PSKH2: variants seen among roughly 807,000 people sequenced by gnomAD.
PSKH2 encodes the protein protein serine kinase H2.
Under a neutral mutation model 22.5 loss-of-function variants are expected in PSKH2, and 16 were observed. The observed-to-expected ratio is 0.71, with a 90% confidence interval of 0.48 to 1.08. The LOEUF (loss-of-function observed/expected upper bound fraction) is 1.08, where lower values mean the gene tolerates loss of function less well. PSKH2 is among the 50% of genes least tolerant of loss of function. The pLI, the probability that PSKH2 is intolerant of heterozygous loss-of-function variation, is 0.00. For missense variants in PSKH2, 516 were observed against 492.8 expected, an observed-to-expected ratio of 1.05 and a Z score of -0.44; for synonymous variants, 188 against 184.8, an observed-to-expected ratio of 1.02 and a Z score of -0.14.
Position 86,069,407 on chromosome 8 carries a change from T to A in PSKH2, c.185+31A>T, listed in dbSNP as rs756626363. The A allele has an allele frequency of 3.2e-6, 5 of 1,538,768 alleles. No homozygotes were observed. In the African/African-American group the frequency reaches 5.6e-5, roughly 17 times the overall value. ...CAGGGGTTTTTCTTTGTCAGCCCAG[T>A]CCCAGGCCAGTTCCTCACGTGGCGC... On this transcript the variant is annotated intron_variant, in intron 1 of 2. Transcript: ENST00000276616.
Position 86,048,698 on chromosome 8 carries a change from G to C in PSKH2, c.922C>G (p.Arg308Gly). The C allele has an allele frequency of 1.2e-6, 2 of 1,614,098 alleles. No homozygotes were observed. Among genetic ancestry groups the C allele is most frequent in the Non-Finnish European group, 1.7e-6 (2 of 1,180,006 alleles). Residue 308 changes from arginine (R) to glycine (G), a missense_variant, in exon 3 of 3, where the codon CGC (arginine) becomes GGC (glycine). Transcript: ENST00000276616. ...DKLLILEAGH[R>G]MSAGQALDHP... ...TCCAGGGCCTGGCCAGCTGACATGCGATGACCAGCCTCCAAAATCAGTAGT... is the reference window on the plus strand; with the variant it reads ...TCCAGGGCCTGGCCAGCTGACATGCCATGACCAGCCTCCAAAATCAGTAGT...
At chr8:86,049,540 C>G (rs897869614) in intron 2 of PSKH2, among the ~76,000 whole-genome samples, 13 of 141,956 alleles carry the variant, frequency 9.2e-5, no homozygotes, top group Non-Finnish European at 2.0e-4. Context: ...GCCTGGGTGA[C>G]AGAGTGAGAC....
chr8:86,057,303 CACAT>C (rs1010944862), intron 2 of PSKH2, among the ~76,000 whole-genome samples: 13 of 139,968 alleles, frequency 9.3e-5, no homozygotes, highest in African/African-American at 2.7e-4. Flanking sequence ...CACACACACA[CACAT>C]ACACACAAAT....
intron 2 of PSKH2, among the ~76,000 whole-genome samples, chr8:86,062,969 C>T (rs922489391): frequency 6.6e-6 from 1 of 152,158 alleles, no homozygotes; most frequent in Non-Finnish European, 1.5e-5. Flanking sequence ...TGTTCATTTG[C>T]ATTTCTTTGG....
chr8:86,059,338 T>C (rs1405458059), intron 2 of PSKH2, among the ~76,000 whole-genome samples: 1 of 150,568 alleles, frequency 6.6e-6, no homozygotes, highest in Non-Finnish European at 1.5e-5. Flanking sequence ...AGAAAACCTT[T>C]CTGAAAAAAG....
Position 86,063,820 on chromosome 8 carries a change from T to C in PSKH2, c.852+145A>G, listed in dbSNP as rs1464511079. The C allele has an allele frequency of 4.8e-6, 3 of 630,032 alleles. No homozygotes were observed. In the African/African-American group the frequency reaches 5.5e-5, roughly 12 times the overall value. The allele number at this position is 630,032 out of a possible 1,614,324, so 39.0% of individuals were successfully genotyped here. Reference sequence around the variant, plus strand: ...CTGGGGGAGGTACATTACTGGTATTTAGAGTAGAGGGCAGTGATGCTGCTA... The same window carrying C: ...CTGGGGGAGGTACATTACTGGTATTCAGAGTAGAGGGCAGTGATGCTGCTA... On this transcript the variant is annotated intron_variant, in intron 2 of 2. Transcript: ENST00000276616.
At chr8:86,055,943 G>A (rs1817692785) in intron 2 of PSKH2, among the ~76,000 whole-genome samples, 1 of 149,988 alleles carries the variant, frequency 6.7e-6, no homozygotes, top group Non-Finnish European at 1.5e-5. Context: ...ATATCCATGT[G>A]GGATTTAAAA....
chr8:86,063,912 G>A, intron 2 of PSKH2, 53 bp downstream of exon 2: 1 of 1,412,028 alleles, frequency 7.1e-7, no homozygotes, highest in Non-Finnish European at 9.7e-7. Context: ...GTGACAAGGT[G>A]GAGAAGCCCC....
chr8:86,069,893 A>G (rs1443506547), upstream of PSKH2, among the ~76,000 whole-genome samples: 1 of 152,180 alleles, frequency 6.6e-6, no homozygotes, highest in East Asian at 1.9e-4. Context: ...TCTGGGCTTC[A>G]CTTTCTGCAT....
rs200523862 is a variant in PSKH2 at position 86,064,257 on chromosome 8, T to C, written c.560A>G (p.Glu187Gly). 27 of 1,614,220 alleles carry C rather than the reference T, an allele frequency of 1.7e-5. No individual in the cohort carries two copies. The highest frequency in any genetic ancestry group is 1.6e-4 in the Middle Eastern group (1 of 6,062). The change falls in exon 2 of 3, where the codon GAA (glutamate) becomes GGA (glycine). Residue 187 changes from glutamate to glycine, a missense_variant. Glu to Gly is a moderately conservative substitution (Grantham distance 98, BLOSUM62 -2). Transcript: ENST00000276616. ...LQITHRNLKP[E>G]NLLYYHPGEE... ...ACCTGGATGATAGTATAAGAGGTTT[T>C]CAGGCTTTAGATTCCTATGAGTTAT...
At chr8:86,059,621 C>G (rs1183780995) in intron 2 of PSKH2, among the ~76,000 whole-genome samples, 1 of 152,134 alleles carries the variant, frequency 6.6e-6, no homozygotes, top group Non-Finnish European at 1.5e-5. Flanking sequence ...AACTTGTGAT[C>G]GTATTGGGCC....
intron 2 of PSKH2, among the ~76,000 whole-genome samples, chr8:86,049,321 G>A (rs371143728): frequency 1.3e-5 from 2 of 152,092 alleles, no homozygotes; most frequent in South Asian, 4.1e-4. Context: ...CACTTTGGGA[G>A]GTTGAGGAAG....
chr8:86,064,628 A>AT lies in PSKH2; in HGVS notation c.188dup (p.Tyr63Ter). The change falls in exon 2 of 3, where the codon TAT becomes TAAT. Residue 63 changes from tyrosine to a stop codon, truncating the protein, a stop_gained and frameshift_variant. Coordinates refer to ENST00000276616, the MANE Select transcript of PSKH2 (RefSeq NM_033126.3). LOFTEE classifies it high-confidence loss of function. ...CTGTCCCAATAAGAGCTTTGATGTCATATCTGTTGGGAAGAAAAACCAAAC... is the reference window on the plus strand; with the variant it reads ...CTGTCCCAATAAGAGCTTTGATGTCATTATCTGTTGGGAAGAAAAACCAAAC... The part of the protein sequence containing the change: ...AKFDPRVLAR[Y>*]DIKALIGTGS... 6.2e-7 allele frequency: 1 copy of AT among 1,607,128 alleles called. No individual in the cohort carries two copies.
intron 2 of PSKH2, among the ~76,000 whole-genome samples, chr8:86,061,252 TTGC>T (rs1476943945): frequency 2.0e-5 from 3 of 152,182 alleles, no homozygotes; most frequent in African/African-American, 7.2e-5. Context: ...AATAAATCAC[TTGC>T]ACATGAATCC....
At chr8:86,065,669 G>T (rs910654886) in intron 1 of PSKH2, among the ~76,000 whole-genome samples, 1 of 152,058 alleles carries the variant, frequency 6.6e-6, no homozygotes, top group South Asian at 2.1e-4. Context: ...CTGTGTAAAC[G>T]TCTATTAAAA....
rs778341167 is a variant in PSKH2, at chr8:86,048,649, G to C, written c.971C>G (p.Ala324Gly). 4 of 1,614,136 alleles carry C rather than the reference G, an allele frequency of 2.5e-6. No individual in the cohort carries two copies. The highest frequency in any genetic ancestry group is 4.5e-5 in the East Asian group (2 of 44,880). Residue 324 changes from alanine (A) to glycine (G), a missense_variant, in exon 3 of 3, where the codon GCT (alanine) becomes GGT (glycine). Transcript: ENST00000276616. ...GAGATTCTTCATGGAAGACCCTGCA[G>C]CCATGGTGATCACCCAGGGATGGTC... ...ALDHPWVITM[A>G]AGSSMKNLQR...
intron 2 of PSKH2, among the ~76,000 whole-genome samples, chr8:86,058,965 G>A (rs991928116): frequency 2.0e-4 from 30 of 151,660 alleles, no homozygotes; most frequent in African/African-American, 6.5e-4. Flanking sequence ...TTTGAGACAG[G>A]GTCTCACTCT....
intron 2 of PSKH2, among the ~76,000 whole-genome samples, chr8:86,059,770 G>C (rs948934931): frequency 6.6e-6 from 1 of 152,132 alleles, no homozygotes; most frequent in Non-Finnish European, 1.5e-5. Context: ...CCATTATTCT[G>C]TCTACCACAT....
intron 1 of PSKH2, among the ~76,000 whole-genome samples, chr8:86,069,069 G>C (rs1197059904): frequency 6.6e-6 from 1 of 152,154 alleles, no homozygotes; most frequent in African/African-American, 2.4e-5. Context: ...AAGTTTTTAA[G>C]CGCTGGGGTG....
Sources: gnomAD v4.1 joint callset for allele counts (sites outside exome capture counted in the v4.1 genomes callset) on GRCh38, gnomAD v4.1.1 for gene constraint, MANE v1.5 for transcripts, NCBI Gene and HGNC (gene_info 2026-07-23, HGNC 2026-07-21) for gene names.